Variants in POFUT4 observed in about 807,000 individuals in gnomAD.
POFUT4 encodes protein O-fucosyltransferase 4.
At chr10:73,775,743 G>C in the POFUT4 span, 2 of 1,565,472 alleles carry the variant, frequency 1.3e-6, no homozygotes. Flanking sequence ...TCTACCATGG[G>C]ACATAAGGAG....
chr10:73,777,114 TCTC>T, the POFUT4 span, among the ~76,000 whole-genome samples: 1 of 152,216 alleles, frequency 6.6e-6, no homozygotes, highest in South Asian at 2.1e-4. Flanking sequence ...TGGGATTTCT[TCTC>T]ATGAACAGAA....
the POFUT4 span, among the ~76,000 whole-genome samples, chr10:73,776,898 C>CT: frequency 9.2e-5 from 14 of 152,294 alleles, no homozygotes; most frequent in South Asian, 2.3e-3. Context: ...CAAGGATAGT[C>CT]TCGATTTCTT....
the POFUT4 span, chr10:73,772,567 G>A: frequency 6.9e-6 from 11 of 1,588,980 alleles, no homozygotes; most frequent in East Asian, 2.3e-5. Context: ...TGCCGGTACT[G>A]CTGTGGTGGA....
chr10:73,776,797 A>G, the POFUT4 span, among the ~76,000 whole-genome samples: 2 of 152,096 alleles, frequency 1.3e-5, no homozygotes, highest in African/African-American at 4.8e-5. Context: ...CTCCTGCCTC[A>G]GCCTCCTGAG....
the POFUT4 span, chr10:73,772,305 C>T: frequency 9.2e-6 from 13 of 1,408,516 alleles, no homozygotes; most frequent in Non-Finnish European, 1.2e-5. Context: ...TCGGTGCTGG[C>T]CGAGGGGGCG....
the POFUT4 span, chr10:73,775,290 G>A: frequency 2.4e-6 from 2 of 847,404 alleles, no homozygotes; most frequent in Non-Finnish European, 1.9e-6. Flanking sequence ...TCCACATTTG[G>A]GAGCCAGAAG....
chr10:73,773,071 A>G, the POFUT4 span: 1 of 1,547,134 alleles, frequency 6.5e-7, no homozygotes, highest in Non-Finnish European at 8.7e-7. Flanking sequence ...AGGGAAGGAA[A>G]AGGAGAGGGC....
At chr10:73,772,375 G>A in the POFUT4 span, 5 of 1,553,802 alleles carry the variant, frequency 3.2e-6, no homozygotes, top group East Asian at 2.4e-5. Flanking sequence ...TCCTTCTAGG[G>A]GTGCTCAGTG....
chr10:73,777,855 GC>G, the POFUT4 span, among the ~76,000 whole-genome samples: 2 of 126,086 alleles, frequency 1.6e-5, no homozygotes, highest in African/African-American at 6.1e-5. Flanking sequence ...GTGCCCAGGT[GC>G]CCCCACCTTT....
chr10:73,775,868 TCTC>T, the POFUT4 span: 5 of 617,728 alleles, frequency 8.1e-6, no homozygotes, highest in South Asian at 8.3e-5. Context: ...ACATAGGGCC[TCTC>T]CTCAAGGAGA....
chr10:73,772,945 C>T, the POFUT4 span: 1 of 1,607,548 alleles, frequency 6.2e-7, no homozygotes, highest in Non-Finnish European at 8.5e-7. Flanking sequence ...CGGAGTGGCG[C>T]CGCCGCGGCT....
the POFUT4 span, chr10:73,772,919 C>T: frequency 6.2e-7 from 1 of 1,610,994 alleles, no homozygotes; most frequent in Non-Finnish European, 8.5e-7. Flanking sequence ...CCCGGTGCCT[C>T]CGCCCATGGA....
the POFUT4 span, chr10:73,773,908 G>A: frequency 2.0e-3 from 2,794 of 1,386,584 alleles, 8 homozygotes; most frequent in Admixed American, 2.5e-3. Context: ...AGCAGGTGCA[G>A]GAGGAAATTA....
At chr10:73,779,453 CT>C in the POFUT4 span, 11 of 152,192 alleles carry the variant, frequency 7.2e-5, no homozygotes, top group African/African-American at 2.7e-4. Flanking sequence ...ATCCCAGCTA[CT>C]CAGGAGGCTG....
chr10:73,778,795 G>A, the POFUT4 span: 1 of 152,106 alleles, frequency 6.6e-6, no homozygotes. Flanking sequence ...ATAAATTACA[G>A]AAAGTTTGCT....
the POFUT4 span, among the ~76,000 whole-genome samples, chr10:73,778,375 G>A: frequency 7.2e-5 from 10 of 139,338 alleles, no homozygotes; most frequent in South Asian, 2.3e-4. Context: ...CCTGGGTGAC[G>A]AGCGAAACTC....
the POFUT4 span, chr10:73,772,290 C>A: frequency 7.3e-7 from 1 of 1,371,090 alleles, no homozygotes; most frequent in Non-Finnish European, 9.4e-7. Flanking sequence ...ATCCGCTGGG[C>A]GGGGTCGGTG....
the POFUT4 span, chr10:73,779,343 C>T: frequency 6.6e-6 from 1 of 152,620 alleles, no homozygotes; most frequent in Non-Finnish European, 1.5e-5. Flanking sequence ...GCAGGCAGAC[C>T]ACCTGAAGTC....
At chr10:73,772,668 T>G in the POFUT4 span, 5 of 1,558,508 alleles carry the variant, frequency 3.2e-6, no homozygotes, top group Non-Finnish European at 4.3e-6. Flanking sequence ...CGCCGAGCGC[T>G]GAGGGACTCG....
Sources: allele counts gnomAD v4.1 joint callset (sites outside exome capture counted in the v4.1 genomes callset), GRCh38; gene constraint gnomAD v4.1.1; transcripts MANE v1.5; gene names NCBI Gene and HGNC (gene_info 2026-07-23, HGNC 2026-07-21).